The following TMEM232 variants were observed in gnomAD, a reference collection of about 807,000 sequenced individuals.
TMEM232 encodes the protein transmembrane protein 232.
In TMEM232, 80 loss-of-function variants were observed where a neutral mutation model predicts 78.8. The observed-to-expected ratio is 1.01, with a 90% CI of 0.85 to 1.22. The LOEUF is 1.22. Ranked by LOEUF, TMEM232 falls within the 50% of genes most tolerant of loss-of-function variation. The pLI is 0.00. For synonymous variants in TMEM232, 297 were observed against 254.3 expected (o/e 1.17, Z -1.60); for missense variants, 881 against 742.2 (o/e 1.19, Z -2.17).
In TMEM232 at chr5:110,604,588, T is replaced by G. The variant is rs377372415; in HGVS notation, c.1276+521A>C. 5.9e-5 allele frequency among the ~76,000 whole-genome samples: 9 copies of G among 152,330 alleles called. 1 individual carries two copies. The highest frequency in any genetic ancestry group is 5.8e-4 in the East Asian group (3 of 5,192). ...CACCCAGGTTTGCCTAAATCCATCT[T>G]TTGTTTTCAAGGAATATAATTTGAA... On this transcript the variant is annotated intron_variant, in intron 10 of 13. Coordinates refer to ENST00000455884, the MANE Select transcript of TMEM232 (RefSeq NM_001039763.4).
intron 11 of TMEM232, among the ~76,000 whole-genome samples, chr5:110,541,864 A>G (rs981191546): frequency 2.0e-5 from 3 of 152,186 alleles, no homozygotes; most frequent in Non-Finnish European, 4.4e-5. Flanking sequence ...CAGGTTTTAC[A>G]AAAGTTTGAA....
At chr5:110,669,887 A>C (rs1414937531) in intron 1 of TMEM232, among the ~76,000 whole-genome samples, 2 of 152,216 alleles carry the variant, frequency 1.3e-5, no homozygotes, top group Non-Finnish European at 2.9e-5. Context: ...AAACCACATG[A>C]TTATCTCAAT....
intron 2 of TMEM232, chr5:110,666,962 T>G: frequency 3.6e-6 from 1 of 276,652 alleles, no homozygotes; most frequent in Non-Finnish European, 6.7e-6. Flanking sequence ...ATACAGGAGT[T>G]ATCAAATATT....
At chr5:110,714,177 G>C (rs1796784537) in intron 1 of TMEM232, among the ~76,000 whole-genome samples, 1 of 152,102 alleles carries the variant, frequency 6.6e-6, no homozygotes, top group African/African-American at 2.4e-5. Context: ...TGGCAAGTTG[G>C]AACTCCCTGC....
chr5:110,505,785 C>G (rs890118922), intron 12 of TMEM232, among the ~76,000 whole-genome samples: 1 of 152,194 alleles, frequency 6.6e-6, no homozygotes, highest in Non-Finnish European at 1.5e-5. Flanking sequence ...GTTGGGATTA[C>G]AGGCGTGAGC....
intron 11 of TMEM232, among the ~76,000 whole-genome samples, chr5:110,554,089 TGATTG>T (rs1302901584): frequency 6.6e-6 from 1 of 152,178 alleles, no homozygotes; most frequent in Non-Finnish European, 1.5e-5. Flanking sequence ...AGTGTCAACT[TGATTG>T]GATTGAAGGA....
chr5:110,443,279 C>T (rs969997382), intron 12 of TMEM232, among the ~76,000 whole-genome samples: 5 of 152,186 alleles, frequency 3.3e-5, no homozygotes, highest in African/African-American at 9.6e-5. Context: ...TGTGGCCAAG[C>T]TGGCACTCAA....
Position 110,625,315 on chromosome 5 carries a change from A to T in TMEM232, c.720T>A (p.Phe240Leu). ...GKRELRSESI[F>L]RPVEDKKRYE... ...ATCTTTTCTTATCTTCCACAGGTCT[A>T]AAAATGGATTCAGAACGGAGTTCTC... Residue 240 changes from phenylalanine to leucine, a missense_variant, in exon 7 of 14, where the codon TTT (phenylalanine) becomes TTA (leucine). Transcript: ENST00000455884. 1 of 1,545,996 alleles carries T rather than the reference A, an allele frequency of 6.5e-7. No individual in the cohort carries two copies. The highest frequency in any genetic ancestry group is 8.7e-7 in the Non-Finnish European group (1 of 1,144,158).
chr5:110,415,688 G>A (rs1399294628), downstream of TMEM232, among the ~76,000 whole-genome samples: 3 of 151,954 alleles, frequency 2.0e-5, no homozygotes, highest in African/African-American at 7.3e-5. Context: ...GGGAAGCCAA[G>A]CAAAAAGCTA....
chr5:110,704,673 T>G (rs1038109838), intron 1 of TMEM232, among the ~76,000 whole-genome samples: 5 of 152,150 alleles, frequency 3.3e-5, no homozygotes, highest in African/African-American at 1.2e-4. Context: ...GATGTCAAGT[T>G]TTTGTAACTA....
At chr5:110,588,711 G>A (rs1194872039) in intron 10 of TMEM232, among the ~76,000 whole-genome samples, 1 of 152,148 alleles carries the variant, frequency 6.6e-6, no homozygotes, top group Non-Finnish European at 1.5e-5. Context: ...ATCTTTCAGA[G>A]TCCAAAAGTG....
chr5:110,631,772 A>G (rs1332160905), intron 5 of TMEM232, among the ~76,000 whole-genome samples: 1 of 152,062 alleles, frequency 6.6e-6, no homozygotes, highest in African/African-American at 2.4e-5. Context: ...CATTGTAGCC[A>G]TCTCCAACAT....
At chr5:110,481,953 T>A (rs1039743358) in intron 12 of TMEM232, among the ~76,000 whole-genome samples, 1 of 152,148 alleles carries the variant, frequency 6.6e-6, no homozygotes, top group Non-Finnish European at 1.5e-5. Flanking sequence ...TATTTCTCAT[T>A]CTTATCCCAA....
At chr5:110,682,041 A>C (rs1561506027) in intron 1 of TMEM232, among the ~76,000 whole-genome samples, 1 of 151,944 alleles carries the variant, frequency 6.6e-6, no homozygotes, top group Non-Finnish European at 1.5e-5. Flanking sequence ...ATTAAGACAC[A>C]TTTTTTTTAC....
At chr5:110,715,901 C>T (rs1041563170) in intron 1 of TMEM232, among the ~76,000 whole-genome samples, 5 of 152,126 alleles carry the variant, frequency 3.3e-5, no homozygotes, top group African/African-American at 7.2e-5. Flanking sequence ...AAACTTTGGT[C>T]GCTATAACCT....
chr5:110,675,862 A>T (rs971100697), intron 1 of TMEM232, among the ~76,000 whole-genome samples: 1 of 152,116 alleles, frequency 6.6e-6, no homozygotes, highest in African/African-American at 2.4e-5. Flanking sequence ...TGTACAACAG[A>T]TCTCCAGAAT....
chr5:110,498,232 A>C (rs1250164292), intron 12 of TMEM232, among the ~76,000 whole-genome samples: 3 of 152,188 alleles, frequency 2.0e-5, no homozygotes, highest in Admixed American at 2.0e-4. Flanking sequence ...TGTCTACTTT[A>C]GTCAATAAAC....
At chr5:110,540,271 G>A (rs1048679414) in intron 11 of TMEM232, among the ~76,000 whole-genome samples, 18 of 152,138 alleles carry the variant, frequency 1.2e-4, no homozygotes, top group Non-Finnish European at 1.9e-4. Flanking sequence ...CAAGTTTCCC[G>A]TGGGCAATCC....
At chr5:110,430,393 A>AT (rs559136728) in intron 12 of TMEM232, among the ~76,000 whole-genome samples, 2 of 151,176 alleles carry the variant, frequency 1.3e-5, no homozygotes, top group South Asian at 4.1e-4. Flanking sequence ...ATAGGTTAAT[A>AT]TTCAGATTGT....
Sources: gnomAD v4.1 joint callset for allele counts (sites outside exome capture counted in the v4.1 genomes callset) on GRCh38, gnomAD v4.1.1 for gene constraint, MANE v1.5 for transcripts, NCBI Gene and HGNC (gene_info 2026-07-23, HGNC 2026-07-21) for gene names.